RBM19: variants seen among roughly 807,000 people sequenced by gnomAD.
The protein encoded by RBM19 is probable RNA-binding protein 19.
Under a neutral mutation model 116.8 loss-of-function variants are expected in RBM19, and 94 were observed. The observed-to-expected ratio is 0.80, with a 90% CI of 0.68 to 0.95. The LOEUF is 0.95. Ranked by LOEUF, RBM19 falls within the 40% of genes least tolerant of loss-of-function variation. The probability of loss-of-function intolerance (pLI) is 0.00; values close to 1 mark genes in which losing one functional copy is unlikely to be tolerated. For synonymous variants in RBM19, 475 were observed against 494.1 expected (o/e 0.96, Z 0.51); for missense variants, 1,161 against 1,220.7 (o/e 0.95, Z 0.73).
intron 21 of RBM19, among the ~76,000 whole-genome samples, chr12:113,886,337 T>C (rs1332355137): frequency 6.6e-6 from 1 of 152,154 alleles, no homozygotes; most frequent in Admixed American, 6.5e-5. Context: ...TTCACTATGT[T>C]GTCCATGCTA....
chr12:113,931,686 G>GC (rs1869615637), intron 16 of RBM19, among the ~76,000 whole-genome samples: 1 of 152,054 alleles, frequency 6.6e-6, no homozygotes, highest in Admixed American at 6.5e-5. Flanking sequence ...AGCCTGCCAA[G>GC]CCCCCTTCCT....
chr12:113,906,098 G>T (rs1331725521), intron 21 of RBM19, among the ~76,000 whole-genome samples: 1 of 152,212 alleles, frequency 6.6e-6, no homozygotes, highest in Admixed American at 6.5e-5. Context: ...TGCATACCCT[G>T]TGGCCCTGCA....
intron 21 of RBM19, among the ~76,000 whole-genome samples, chr12:113,893,545 C>A (rs1362325434): frequency 6.6e-6 from 1 of 152,158 alleles, no homozygotes; most frequent in Non-Finnish European, 1.5e-5. Flanking sequence ...ATTTAGCCCG[C>A]CCTGTCTCAC....
chr12:113,882,307 A>C (rs1880199090), intron 21 of RBM19, among the ~76,000 whole-genome samples: 1 of 152,190 alleles, frequency 6.6e-6, no homozygotes, highest in Non-Finnish European at 1.5e-5. Flanking sequence ...AGTTGTCCCA[A>C]ACCTGGCCTG....
intron 2 of RBM19, 43 bp downstream of exon 2, chr12:113,962,189 C>T (rs1378408451): frequency 1.2e-6 from 2 of 1,602,354 alleles, no homozygotes; most frequent in South Asian, 1.1e-5. Context: ...CAAACAACGT[C>T]ACACTTGACA....
At chr12:113,958,233 A>C (rs1354722006) in intron 5 of RBM19, among the ~76,000 whole-genome samples, 183 bp from the exon 6 acceptor site, 1 of 152,066 alleles carries the variant, frequency 6.6e-6, no homozygotes, top group Non-Finnish European at 1.5e-5. Flanking sequence ...GGGCAGGGCT[A>C]CTGCAGCTTT....
intron 20 of RBM19, among the ~76,000 whole-genome samples, chr12:113,916,812 G>A (rs1204639185): frequency 3.3e-5 from 5 of 152,282 alleles, no homozygotes; most frequent in Middle Eastern, 3.4e-3. Flanking sequence ...TGCCCTAGCC[G>A]ACATCCTGAC....
intron 1 of RBM19, among the ~76,000 whole-genome samples, chr12:113,963,056 A>C (rs1206579000): frequency 6.6e-5 from 10 of 152,212 alleles, no homozygotes; most frequent in Admixed American, 6.5e-4. Context: ...CTATGAACCA[A>C]GGAAGGCAGG....
chr12:113,850,160 A>C (rs1231566897), intron 22 of RBM19, among the ~76,000 whole-genome samples: 1 of 152,048 alleles, frequency 6.6e-6, no homozygotes, highest in Non-Finnish European at 1.5e-5. Flanking sequence ...CATTCACACC[A>C]CCTGGGGGTG....
chr12:113,914,047 A>G (rs552446395), intron 21 of RBM19, among the ~76,000 whole-genome samples: 2 of 152,318 alleles, frequency 1.3e-5, no homozygotes, highest in South Asian at 2.1e-4. Context: ...GGTGGTGCCT[A>G]CCTAATCTGA....
intron 21 of RBM19, among the ~76,000 whole-genome samples, chr12:113,862,139 C>T (rs1878447712): frequency 6.6e-6 from 1 of 152,204 alleles, no homozygotes; most frequent in African/African-American, 2.4e-5. Flanking sequence ...ATGGATGAGG[C>T]TTCAAGACAC....
chr12:113,839,699 T>C (rs145519854), intron 23 of RBM19, among the ~76,000 whole-genome samples: 3 of 152,352 alleles, frequency 2.0e-5, no homozygotes, highest in South Asian at 2.1e-4. Flanking sequence ...GCTGCTACTA[T>C]GGCTTTTGTT....
intron 16 of RBM19, among the ~76,000 whole-genome samples, chr12:113,931,118 G>A (rs1869562593): frequency 6.6e-6 from 1 of 152,190 alleles, no homozygotes; most frequent in Non-Finnish European, 1.5e-5. Flanking sequence ...TTATGACGAA[G>A]AATGCAAAAT....
At chr12:113,952,728 T>G in intron 7 of RBM19, 138 bp from the exon 8 acceptor site, 1 of 623,696 alleles carries the variant, frequency 1.6e-6, no homozygotes, top group Non-Finnish European at 2.8e-6. Context: ...CTTATACGTA[T>G]CGCTTCTCCA....
At chr12:113,939,819 T>C in intron 15 of RBM19, 141 bp downstream of exon 15, 2 of 833,836 alleles carry the variant, frequency 2.4e-6, no homozygotes, top group Non-Finnish European at 3.7e-6. Context: ...AGGGATGATA[T>C]TCAGCCATGA....
At chr12:113,963,804 G>A (rs1185529075) in intron 1 of RBM19, among the ~76,000 whole-genome samples, 3 of 152,198 alleles carry the variant, frequency 2.0e-5, no homozygotes, top group Admixed American at 6.5e-5. Context: ...GATCTGCCCT[G>A]ACCAACCTCT....
At chr12:113,911,057 G>T (rs1017392033) in intron 21 of RBM19, among the ~76,000 whole-genome samples, 1 of 152,174 alleles carries the variant, frequency 6.6e-6, no homozygotes, top group Non-Finnish European at 1.5e-5. Context: ...GTGGCGGTGG[G>T]GGGGGTGGGA....
chr12:113,901,703 C>T (rs559540539), intron 21 of RBM19, among the ~76,000 whole-genome samples: 52 of 151,946 alleles, frequency 3.4e-4, no homozygotes, highest in African/African-American at 1.2e-3. Context: ...TTGGTAGAGA[C>T]GGGGTTTCAC....
chr12:113,825,012 A>T lies in RBM19; in HGVS notation c.2786-1691T>A, dbSNP rs185905040. Among the ~76,000 whole-genome samples, 1 of 151,632 alleles carries T rather than the reference A, an allele frequency of 6.6e-6. No individual in the cohort carries two copies. The highest frequency in any genetic ancestry group is 1.5e-5 in the Non-Finnish European group (1 of 67,864). On this transcript the variant is annotated intron_variant, in intron 23 of 23. Transcript: ENST00000261741. This position sits in a 1 kb window ranked among gnomAD's most constrained non-coding sequence, Gnocchi z 5.7. Reference sequence around the variant, plus strand: ...AGCACCCAGATCTCCCTCTCCCTCTACCTCTGAGCTCCAATGCCACCCCAC... The same window carrying T: ...AGCACCCAGATCTCCCTCTCCCTCTTCCTCTGAGCTCCAATGCCACCCCAC...
Sources: allele counts gnomAD v4.1 joint callset (sites outside exome capture counted in the v4.1 genomes callset), GRCh38; gene constraint gnomAD v4.1.1; non-coding constraint Gnocchi (gnomAD v3.1); transcripts MANE v1.5; gene names NCBI Gene and HGNC (gene_info 2026-07-23, HGNC 2026-07-21).